The following BEST3 variants were observed in gnomAD, a reference collection of about 807,000 sequenced individuals.
The protein encoded by BEST3 is bestrophin-3.
A neutral mutation model predicts 47.1 loss-of-function variants in BEST3; 50 were observed. The observed-to-expected ratio is 1.06, with a 90% CI of 0.85 to 1.34. The LOEUF (loss-of-function observed/expected upper bound fraction) is 1.34. Among genes scored for constraint, BEST3 ranks in the 40% most tolerant of loss-of-function variants. The pLI is 0.00. For missense variants in BEST3, 765 were observed against 817.0 expected (o/e 0.94, Z 0.78); for synonymous variants, 282 against 298.8 (o/e 0.94, Z 0.58).
At chr12:69,671,892 T>C (rs1242655101) in intron 8 of BEST3, among the ~76,000 whole-genome samples, 2 of 152,282 alleles carry the variant, frequency 1.3e-5, no homozygotes, top group East Asian at 3.9e-4. Context: ...TATTCTTTGC[T>C]CACAATTGTG....
chr12:69,648,962 C>T (rs187332966), downstream of BEST3, among the ~76,000 whole-genome samples: 65 of 152,262 alleles, frequency 4.3e-4, no homozygotes, highest in African/African-American at 1.5e-3. Context: ...AGTCTAGCAG[C>T]TTATTGGCAC....
chr12:69,696,837 C>T (rs1180259409), intron 2 of BEST3, among the ~76,000 whole-genome samples: 2 of 152,100 alleles, frequency 1.3e-5, no homozygotes, highest in Non-Finnish European at 2.9e-5. Context: ...AAACCTTTAG[C>T]TTTCCTGTTT....
chr12:69,694,302 C>A, intron 3 of BEST3, 68 bp downstream of exon 3: 1 of 941,608 alleles, frequency 1.1e-6, no homozygotes, highest in Non-Finnish European at 1.6e-6. Context: ...CACTCCCATG[C>A]AGAGTCATCG....
At chr12:69,645,842 T>G (rs1011713283) in intron 9 of BEST3, among the ~76,000 whole-genome samples, 16 of 152,138 alleles carry the variant, frequency 1.1e-4, no homozygotes, top group African/African-American at 3.6e-4. Context: ...CTTTCACCAT[T>G]TAGGTCAATT....
chr12:69,648,812 T>C (rs1318423680), downstream of BEST3, among the ~76,000 whole-genome samples: 1 of 152,212 alleles, frequency 6.6e-6, no homozygotes, highest in Admixed American at 6.5e-5. Flanking sequence ...GGTAGTAAAC[T>C]GACCCAATCC....
chr12:69,676,698 G>T (rs1365550562), intron 7 of BEST3, among the ~76,000 whole-genome samples: 1 of 152,186 alleles, frequency 6.6e-6, no homozygotes, highest in East Asian at 1.9e-4. Flanking sequence ...AGCCATAAGA[G>T]TGTTCTTCTA....
At position 69,661,434 on chromosome 12, in the gene BEST3, T is replaced by A. The variant is rs189484061; in HGVS notation, c.1101-5621A>T. Reference sequence around the variant, plus strand: ...AGATTTATTGTTTTCAAATTGCTAGTGTACTCACAGTCAGGCGACTGCCTT... The same window carrying A: ...AGATTTATTGTTTTCAAATTGCTAGAGTACTCACAGTCAGGCGACTGCCTT... On this transcript the variant is annotated intron_variant, in intron 9 of 9. Transcript: ENST00000330891. The A allele has an allele frequency of 1.6e-3, 240 of 152,376 alleles. 2 individuals carry two copies. The highest frequency in any genetic ancestry group is 5.6e-3 in the African/African-American group (235 of 41,598). 9.4% of individuals were successfully genotyped at this position (152,376 alleles called of 1,614,324 possible). A position where few individuals can be genotyped will look rare whatever the true frequency, so the allele number is the denominator to read the frequency against.
At chr12:69,688,158 G>A (rs1231142006) in intron 4 of BEST3, among the ~76,000 whole-genome samples, 1 of 152,106 alleles carries the variant, frequency 6.6e-6, no homozygotes, top group East Asian at 1.9e-4. Context: ...TTTTGATTCA[G>A]TATGAGACCA....
At chr12:69,658,727 G>C (rs998789401) in intron 9 of BEST3, among the ~76,000 whole-genome samples, 4 of 152,174 alleles carry the variant, frequency 2.6e-5, no homozygotes, top group African/African-American at 9.7e-5. Context: ...GAGCATTCCA[G>C]GTGAAAGAAG....
rs1886058678 is a variant in BEST3 at position 69,694,427 on chromosome 12, T to G, written c.190A>C (p.Lys64Gln). Residue 64 changes from lysine (K) to glutamine (Q), a missense_variant, in exon 3 of 10, where the codon AAA (lysine) becomes CAA (glutamine). Coordinates refer to ENST00000330891, the MANE Select transcript of BEST3 (RefSeq NM_032735.3). ...LTGVQKRYFE[K>Q]LSIYCDRYAE... ...TATCTGTCACAGTAAATTGATAATT[T>G]TTCAAAGTAACGTTTTTGGACTCCT... 6.2e-7 allele frequency: 1 copy of G among 1,609,528 alleles called. No homozygotes were observed. Among genetic ancestry groups the G allele is most frequent in the Non-Finnish European group, 8.5e-7 (1 of 1,177,990 alleles).
At chr12:69,684,767 A>G (rs1259695106) in intron 4 of BEST3, among the ~76,000 whole-genome samples, 1 of 152,210 alleles carries the variant, frequency 6.6e-6, no homozygotes, top group African/African-American at 2.4e-5. Context: ...TTTCCATTCA[A>G]TGGAAGAGGT....
Position 69,693,788 on chromosome 12 carries a change from G to A in BEST3, c.367C>T (p.Leu123=). 1 of 1,614,202 alleles carries A rather than the reference G, an allele frequency of 6.2e-7. No homozygotes were observed. Among genetic ancestry groups the A allele is most frequent in the Non-Finnish European group, 8.5e-7 (1 of 1,180,046 alleles). The change falls in exon 4 of 10, where the codon CTG becomes TTG. Residue 123 remains leucine, a synonymous_variant. Coordinates refer to ENST00000330891, the MANE Select transcript of BEST3 (RefSeq NM_032735.3). ...TAGCGCATCAGCGTCCTTCTAAGCA[G>A]GCGCCCGTGCTCGTCGCTTCCGTGA... ...SVHGSDEHGR[L]LRRTLMRYVN...
downstream of BEST3, among the ~76,000 whole-genome samples, chr12:69,653,253 A>C (rs1369525203): frequency 6.6e-6 from 1 of 152,198 alleles, no homozygotes; most frequent in Non-Finnish European, 1.5e-5. Flanking sequence ...ACGCAGGTAG[A>C]CTTGAGCGGG....
At chr12:69,659,790 A>AT (rs1883760792) in intron 9 of BEST3, among the ~76,000 whole-genome samples, 2 of 152,178 alleles carry the variant, frequency 1.3e-5, no homozygotes, top group Admixed American at 1.3e-4. Context: ...CCTGAGGCTC[A>AT]ATATAATACC....
chr12:69,675,466 A>C (rs1026217346), intron 7 of BEST3, among the ~76,000 whole-genome samples: 1 of 152,246 alleles, frequency 6.6e-6, no homozygotes, highest in African/African-American at 2.4e-5. Context: ...AAAGCATGTC[A>C]GAGGGAAGGA....
intron 4 of BEST3, among the ~76,000 whole-genome samples, chr12:69,679,277 C>A (rs1227480463): frequency 2.0e-5 from 3 of 152,186 alleles, no homozygotes; most frequent in Non-Finnish European, 4.4e-5. Context: ...AATATGATAA[C>A]GTATATAAAG....
exon 10 of BEST3, chr12:69,643,729 G>A: frequency 1.4e-6 from 1 of 715,908 alleles, no homozygotes; most frequent in South Asian, 1.5e-5. Flanking sequence ...TGGAATTGAG[G>A]CTGAGGGAGT....
At position 69,654,492 on chromosome 12, in the gene BEST3, A is replaced by G. The variant is rs925367346; in HGVS notation, c.*415T>C. ...ATCTCCTTTCTTTATGGCTAAAGAA[A>G]AAAAGAAAGAGAAAAAAGAAGAGAA... On this transcript the variant is annotated 3_prime_UTR_variant, in exon 10 of 10. Coordinates refer to ENST00000330891, the MANE Select transcript of BEST3 (RefSeq NM_032735.3). The G allele has an allele frequency of 2.0e-6, 2 of 989,018 alleles. No individual in the cohort carries two copies. Among genetic ancestry groups the G allele is most frequent in the African/African-American group, 3.5e-5 (2 of 57,308 alleles). The allele number at this position is 989,018 out of a possible 1,614,324, so 61.3% of individuals were successfully genotyped here.
At chr12:69,688,010 T>C (rs141970694) in intron 4 of BEST3, among the ~76,000 whole-genome samples, 10 of 152,338 alleles carry the variant, frequency 6.6e-5, no homozygotes, top group African/African-American at 2.2e-4. Context: ...AAAGGCGTAA[T>C]AGTTCTAGCA....
Sources: gnomAD v4.1 joint callset for allele counts (sites outside exome capture counted in the v4.1 genomes callset) on GRCh38, gnomAD v4.1.1 for gene constraint, MANE v1.5 for transcripts, NCBI Gene and HGNC (gene_info 2026-07-23, HGNC 2026-07-21) for gene names.